Variants in GPSM2 observed in about 807,000 individuals in gnomAD.
GPSM2 encodes the protein G protein signaling modulator 2.
Under a neutral mutation model 78.4 loss-of-function variants are expected in GPSM2, and 58 were observed. The ratio of observed to expected loss-of-function variants is 0.74; its 90% confidence interval spans 0.60 to 0.92. GPSM2 has a LOEUF of 0.92. Ranked by LOEUF, GPSM2 falls within the 40% of genes least tolerant of loss-of-function variation. GPSM2 has a pLI of 0.00. For missense variants in GPSM2, 700 were observed against 815.5 expected, an observed-to-expected ratio of 0.86 and a Z score of 1.73; for synonymous variants, 224 against 280.2, an observed-to-expected ratio of 0.80 and a Z score of 2.00.
intron 9 of GPSM2, among the ~76,000 whole-genome samples, 181 bp downstream of exon 9, chr1:108,903,415 T>G (rs1648974428): frequency 6.6e-6 from 1 of 152,094 alleles, no homozygotes; most frequent in Non-Finnish European, 1.5e-5. Flanking sequence ...TATGTTTGTA[T>G]TGGCTTTCAT....
At chr1:108,910,029 A>G (rs936385938) in intron 10 of GPSM2, 1 of 152,102 alleles carries the variant, frequency 6.6e-6, no homozygotes, top group Admixed American at 6.5e-5. Context: ...AGAATTTAAT[A>G]AAATTAAAAC....
rs773576577 is a variant in GPSM2 at position 108,931,344 on chromosome 1, C to CAA, written c.*1406_*1407dup. On this transcript the variant is annotated 3_prime_UTR_variant, in exon 15 of 15. Transcript: ENST00000264126. Reference sequence around the variant, plus strand: ...AAGGCAGTTTACAAGGGGATGATAACAAAGTAACTAACTAACTGTAGCAAA... The same window carrying CAA: ...AAGGCAGTTTACAAGGGGATGATAACAAAAAGTAACTAACTAACTGTAGCAAA... 3.9e-6 allele frequency: 6 copies of CAA among 1,550,458 alleles called. No homozygotes were observed. In the South Asian group the frequency reaches 6.0e-5, roughly 15 times the overall value.
At chr1:108,918,359 T>G (rs1020181273) in intron 11 of GPSM2, among the ~76,000 whole-genome samples, 2 of 152,202 alleles carry the variant, frequency 1.3e-5, no homozygotes, top group African/African-American at 4.8e-5. Flanking sequence ...TGGTAAACCT[T>G]GCTTTCTTAT....
chr1:108,905,693 C>T (rs1317284806), intron 10 of GPSM2, among the ~76,000 whole-genome samples: 2 of 152,142 alleles, frequency 1.3e-5, no homozygotes, highest in African/African-American at 2.4e-5. Flanking sequence ...ATCTCTCTCT[C>T]CTTCCTTCTT....
chr1:108,926,927 C>CAATA (rs1426103872), intron 14 of GPSM2: 1 of 152,020 alleles, frequency 6.6e-6, no homozygotes, highest in East Asian at 1.9e-4. Flanking sequence ...GACAAAGTAT[C>CAATA]AATAAAATTG....
At chr1:108,897,138 TA>T in intron 3 of GPSM2, 53 bp downstream of exon 3, 1 of 1,261,750 alleles carries the variant, frequency 7.9e-7, no homozygotes, top group East Asian at 2.4e-5. Flanking sequence ...GCTATTACTT[TA>T]AAAAATATTT....
intron 10 of GPSM2, among the ~76,000 whole-genome samples, chr1:108,907,550 G>A (rs1649336907): frequency 6.6e-6 from 1 of 152,042 alleles, no homozygotes; most frequent in African/African-American, 2.4e-5. Flanking sequence ...AGAATTATCA[G>A]ATATAGAAAA....
intron 2 of GPSM2, among the ~76,000 whole-genome samples, chr1:108,889,519 A>G (rs771430102): frequency 1.1e-4 from 16 of 152,250 alleles, no homozygotes; most frequent in Non-Finnish European, 1.9e-4. Context: ...CATAAGGTAC[A>G]TTGATTTCCT....
At chr1:108,885,652 C>A in intron 2 of GPSM2, 74 bp downstream of exon 2, 2 of 891,638 alleles carry the variant, frequency 2.2e-6, no homozygotes, top group Non-Finnish European at 3.8e-6. Context: ...ATGACCATTT[C>A]AAGTTTCAGT....
Position 108,934,536 on chromosome 1 carries a change from G to C in GPSM2, c.*4596G>C, listed in dbSNP as rs1034778343. The C allele has an allele frequency of 1.8e-5, 18 of 987,344 alleles. No individual in the cohort carries two copies. Among genetic ancestry groups the C allele is most frequent in the Non-Finnish European group, 2.5e-5 (17 of 686,858 alleles). The allele number at this position is 987,344 out of a possible 1,614,324, so 61.2% of individuals were successfully genotyped here. A position where few individuals can be genotyped will look rare whatever the true frequency, so the allele number is the denominator to read the frequency against. ...AATTGTCAGTAAAAATGTGAATGTT[G>C]AAGTTGAAATGTGAATGTTGAAGTT... On this transcript the variant is annotated 3_prime_UTR_variant, in exon 15 of 15. Transcript: ENST00000264126.
chr1:108,913,224 A>G (rs536049322), intron 10 of GPSM2, among the ~76,000 whole-genome samples: 2 of 152,312 alleles, frequency 1.3e-5, no homozygotes, highest in African/African-American at 2.4e-5. Flanking sequence ...TACCCACCAA[A>G]CTAGAAGAAA....
chr1:108,924,303 T>A, intron 14 of GPSM2, 89 bp downstream of exon 14: 2 of 816,338 alleles, frequency 2.4e-6, no homozygotes, highest in Non-Finnish European at 2.1e-6. Context: ...AGGAAGGGCT[T>A]ATTTTGTATT....
intron 7 of GPSM2, among the ~76,000 whole-genome samples, chr1:108,899,237 TAGC>T (rs796262949): frequency 8.5e-5 from 13 of 152,372 alleles, no homozygotes; most frequent in African/African-American, 2.4e-4. Context: ...TAAGATTTAA[TAGC>T]AGCAGTATGA....
At position 108,931,389 on chromosome 1, in the gene GPSM2, T is replaced by G. The variant is rs964126423; in HGVS notation, c.*1449T>G. On this transcript the variant is annotated 3_prime_UTR_variant, in exon 15 of 15. Coordinates refer to ENST00000264126, the MANE Select transcript of GPSM2 (RefSeq NM_013296.5). ...AGCAAAAGACAAGTATGGGACAGAC[T>G]GGGACCTGGAGTAACACTGGATCAC... 9 of 1,551,192 alleles carry G rather than the reference T, an allele frequency of 5.8e-6. No homozygotes were observed. The highest frequency in any genetic ancestry group is 7.0e-6 in the Non-Finnish European group (8 of 1,147,130).
intron 12 of GPSM2, among the ~76,000 whole-genome samples, chr1:108,920,707 G>C (rs1650640297): frequency 6.6e-6 from 1 of 151,950 alleles, no homozygotes; most frequent in Admixed American, 6.6e-5. Context: ...ACTAATAAAA[G>C]GAAAAATTAT....
chr1:108,904,261 A>G lies in GPSM2; in HGVS notation c.1192+7A>G. ...ATTGATAGCAGTTTGAATGGTAAGT[A>G]ATAGGACTTTTAAAACCCAATTTTT... On this transcript the variant is annotated splice_region_variant and intron_variant, in intron 10 of 14. Coordinates refer to ENST00000264126, the MANE Select transcript of GPSM2 (RefSeq NM_013296.5). 6.4e-7 allele frequency: 1 copy of G among 1,572,710 alleles called. No homozygotes were observed. Among genetic ancestry groups the G allele is most frequent in the Admixed American group, 1.7e-5 (1 of 59,066 alleles).
intron 2 of GPSM2, among the ~76,000 whole-genome samples, chr1:108,886,745 T>C (rs950382549): frequency 3.9e-5 from 6 of 152,088 alleles, no homozygotes; most frequent in African/African-American, 1.4e-4. Context: ...AAATCAGACA[T>C]ACACATCAGG....
chr1:108,917,290 G>A (rs142214319), intron 11 of GPSM2, among the ~76,000 whole-genome samples: 2,600 of 152,002 alleles, frequency 0.017, 44 homozygotes, highest in South Asian at 0.06. Context: ...CAACAAGGCC[G>A]GGCGCAGTGG....
rs756254754 is a variant in GPSM2, at chr1:108,922,552, A to T, written c.1576A>T (p.Thr526Ser). ...CHTASTTTSS[T>S]PPKMMLKTSS... ...TACAGCTTCAACAACAACTTCTTCC[A>T]CTCCCCCTAAAATGATGCTAAAAAG... The change falls in exon 13 of 15, where the codon ACT becomes TCT. Residue 526 changes from threonine (T) to serine (S), a missense_variant. Coordinates refer to ENST00000264126, the MANE Select transcript of GPSM2 (RefSeq NM_013296.5). 1 of 1,605,624 alleles carries T rather than the reference A, an allele frequency of 6.2e-7. No homozygotes were observed. The highest frequency in any genetic ancestry group is 8.5e-7 in the Non-Finnish European group (1 of 1,173,994).
Sources: allele counts gnomAD v4.1 joint callset (sites outside exome capture counted in the v4.1 genomes callset), GRCh38; gene constraint gnomAD v4.1.1; transcripts MANE v1.5; gene names NCBI Gene and HGNC (gene_info 2026-07-23, HGNC 2026-07-21).